The following GRIK3 variants were observed in gnomAD, a reference collection of about 807,000 sequenced individuals.
The protein encoded by GRIK3 is glutamate receptor ionotropic, kainate 3.
In GRIK3, 29 loss-of-function variants were observed where a neutral mutation model predicts 102.5. The ratio of observed to expected loss-of-function variants is 0.28; its 90% CI spans 0.21 to 0.39. The LOEUF (loss-of-function observed/expected upper bound fraction) is 0.39. Ranked by LOEUF, GRIK3 falls within the 10% of genes least tolerant of loss-of-function variation. GRIK3 has a pLI of 1.00. For synonymous variants in GRIK3, 511 were observed against 504.9 expected, an observed-to-expected ratio of 1.01 and a Z score of -0.16; for missense variants, 908 against 1,252.4, an observed-to-expected ratio of 0.73 and a Z score of 4.15.
At chr1:36,929,370 A>T (rs1226682169) in intron 1 of GRIK3, among the ~76,000 whole-genome samples, 1 of 152,164 alleles carries the variant, frequency 6.6e-6, no homozygotes, top group African/African-American at 2.4e-5. Flanking sequence ...ATAAATTTAG[A>T]TATATTTTAG....
At chr1:36,825,881 G>A (rs1642750380) in intron 10 of GRIK3, 55 bp from the exon 11 acceptor site, 1 of 1,284,770 alleles carries the variant, frequency 7.8e-7, no homozygotes, top group Admixed American at 1.9e-5. Context: ...CAGAATAGCG[G>A]GAGACAGAAC....
At chr1:36,934,258 C>A (rs1641628792) in intron 1 of GRIK3, among the ~76,000 whole-genome samples, 1 of 152,206 alleles carries the variant, frequency 6.6e-6, no homozygotes, top group South Asian at 2.1e-4. Flanking sequence ...CTCCCTCTGG[C>A]TGGCATGCAG....
Position 36,806,362 on chromosome 1 carries a change from T to C in GRIK3, c.2092-36A>G, listed in dbSNP as rs1313057609. 1.4e-6 allele frequency: 2 copies of C among 1,390,104 alleles called. No homozygotes were observed. The highest frequency in any genetic ancestry group is 2.0e-6 in the Non-Finnish European group (2 of 986,060). 86.1% of individuals were successfully genotyped at this position (1,390,104 alleles called of 1,614,324 possible). On this transcript the variant is annotated intron_variant, in intron 13 of 15. Coordinates refer to ENST00000373091, the MANE Select transcript of GRIK3 (RefSeq NM_000831.4). This position sits in a 1 kb window ranked among gnomAD's most constrained non-coding sequence, Gnocchi z 4.0. The stretch of plus-strand genomic sequence containing the variant: ...AGGGAAGGGGTGATGCACACACCGT[T>C]ACTAGGCGCACCAGGGACCAAGCAC...
chr1:37,000,257 A>G (rs777579720), intron 1 of GRIK3, among the ~76,000 whole-genome samples: 4 of 152,230 alleles, frequency 2.6e-5, no homozygotes, highest in Non-Finnish European at 5.9e-5. Flanking sequence ...GACAGGTGTT[A>G]TTTTTATTAC....
At chr1:36,870,936 G>T (rs112773599) in intron 4 of GRIK3, among the ~76,000 whole-genome samples, 1,574 of 152,072 alleles carry the variant, frequency 0.01, 34 homozygotes, top group African/African-American at 0.036. Flanking sequence ...GTTGGGGTAG[G>T]GGGGAGAAGA....
chr1:36,967,409 G>A (rs1162208586), intron 1 of GRIK3, among the ~76,000 whole-genome samples: 2 of 152,210 alleles, frequency 1.3e-5, no homozygotes, highest in Non-Finnish European at 2.9e-5. Flanking sequence ...CTCTGCTCAG[G>A]GATCACTCTA....
chr1:36,995,902 G>C (rs1291947834), intron 1 of GRIK3, among the ~76,000 whole-genome samples: 2 of 152,178 alleles, frequency 1.3e-5, no homozygotes, highest in Non-Finnish European at 2.9e-5. Context: ...CCGCCTTCTT[G>C]GCCAGAATTA....
chr1:37,018,099 A>G (rs1386558232), intron 1 of GRIK3, among the ~76,000 whole-genome samples: 1 of 152,146 alleles, frequency 6.6e-6, no homozygotes, highest in Admixed American at 6.5e-5. Context: ...TCCCATAAAC[A>G]ACCCTAAACC....
intron 1 of GRIK3, among the ~76,000 whole-genome samples, chr1:36,964,671 C>T (rs1642060976): frequency 6.6e-6 from 1 of 152,194 alleles, no homozygotes; most frequent in Admixed American, 6.5e-5. Context: ...AGACCATGCC[C>T]ACAGTGAGTA....
At chr1:36,877,981 CA>C (rs1299816386) in intron 3 of GRIK3, among the ~76,000 whole-genome samples, 2 of 152,230 alleles carry the variant, frequency 1.3e-5, no homozygotes, top group African/African-American at 4.8e-5. Flanking sequence ...GACAGGATAA[CA>C]ACATCTTTGT....
At chr1:36,847,926 C>A (rs1640536377) in intron 9 of GRIK3, among the ~76,000 whole-genome samples, 2 of 152,224 alleles carry the variant, frequency 1.3e-5, no homozygotes, top group Non-Finnish European at 2.9e-5. Context: ...TGTGACCAGG[C>A]TATGAGCCAA....
intron 1 of GRIK3, among the ~76,000 whole-genome samples, chr1:36,933,863 T>G (rs550170748): frequency 6.6e-6 from 1 of 152,298 alleles, no homozygotes; most frequent in East Asian, 1.9e-4. Flanking sequence ...CTGCCCTCTC[T>G]TCGACCTTCT....
intron 1 of GRIK3, among the ~76,000 whole-genome samples, chr1:36,955,937 C>G (rs1201005934): frequency 6.6e-6 from 1 of 152,236 alleles, no homozygotes; most frequent in Non-Finnish European, 1.5e-5. Context: ...AACAAAGGCT[C>G]GGCATCAGAC....
chr1:36,976,006 AC>A (rs1642192211), intron 1 of GRIK3, among the ~76,000 whole-genome samples: 1 of 152,252 alleles, frequency 6.6e-6, no homozygotes, highest in African/African-American at 2.4e-5. Context: ...ATTTGCTTTA[AC>A]AGCAAAGAAG....
intron 3 of GRIK3, among the ~76,000 whole-genome samples, chr1:36,874,458 G>T (rs926226144): frequency 8.5e-5 from 13 of 152,186 alleles, no homozygotes; most frequent in African/African-American, 3.1e-4. Context: ...AGAGTGGTCT[G>T]GATCAAACAG....
chr1:36,903,145 A>G (rs900589149), intron 1 of GRIK3, among the ~76,000 whole-genome samples: 1 of 152,216 alleles, frequency 6.6e-6, no homozygotes, highest in Non-Finnish European at 1.5e-5. Flanking sequence ...CAATAAGAAA[A>G]CAAACAACCT....
At position 37,031,708 on chromosome 1, in the gene GRIK3, T is replaced by TG. The variant is rs368179551; in HGVS notation, c.115+2285dup. Among the ~76,000 whole-genome samples the TG allele has an allele frequency of 7.4e-4, 113 of 152,140 alleles. 1 individual carries two copies. Among genetic ancestry groups the TG allele is most frequent in the African/African-American group, 2.2e-3 (93 of 41,528 alleles). ...AGCCAGAACCCTGAGATCCCAGGGA[T>TG]GGGGGGGATGGGAAAAGGGAGAGGG... On this transcript the variant is annotated intron_variant, in intron 1 of 15. Transcript: ENST00000373091.
chr1:36,870,725 C>T (rs1208352546), intron 4 of GRIK3, among the ~76,000 whole-genome samples: 3 of 152,204 alleles, frequency 2.0e-5, no homozygotes, highest in African/African-American at 7.2e-5. Context: ...TTCTGGCTTC[C>T]TGCCTGGATG....
chr1:36,827,631 C>T (rs546404515), intron 10 of GRIK3, among the ~76,000 whole-genome samples: 3 of 152,236 alleles, frequency 2.0e-5, no homozygotes, highest in East Asian at 3.9e-4. Context: ...GGGCATTAAT[C>T]AAACTGTTTA....
Sources: gnomAD v4.1 joint callset for allele counts (sites outside exome capture counted in the v4.1 genomes callset) on GRCh38, gnomAD v4.1.1 for gene constraint, Gnocchi (gnomAD v3.1) non-coding constraint, MANE v1.5 for transcripts, NCBI Gene and HGNC (gene_info 2026-07-23, HGNC 2026-07-21) for gene names.